PKIB: variants seen among roughly 807,000 people sequenced by gnomAD.
The protein encoded by PKIB is PKI-beta.
PKIB carries 2 observed loss-of-function variants against 4.5 expected under a neutral mutation model. The observed-to-expected ratio is 0.44, with a 90% CI of 0.18 to 1.39. The LOEUF is 1.39. PKIB is among the 40% of genes most tolerant of loss of function. The pLI is 0.27. For synonymous variants in PKIB, 38 were observed against 36.0 expected (o/e 1.06, Z -0.20); for missense variants, 94 against 92.6 (o/e 1.02, Z -0.06).
chr6:122,519,816 T>A (rs910978610), intron 2 of PKIB, among the ~76,000 whole-genome samples: 1 of 152,224 alleles, frequency 6.6e-6, no homozygotes, highest in African/African-American at 2.4e-5. Context: ...CTCAGAGCCA[T>A]TGGATAAAGA....
chr6:122,499,995 G>A (rs1327620208), intron 2 of PKIB, among the ~76,000 whole-genome samples: 2 of 152,078 alleles, frequency 1.3e-5, no homozygotes, highest in African/African-American at 4.8e-5. Context: ...TAACAAAGGA[G>A]GTGAATGATA....
At chr6:122,570,883 A>C (rs1323875970) in intron 2 of PKIB, among the ~76,000 whole-genome samples, 1 of 152,104 alleles carries the variant, frequency 6.6e-6, no homozygotes, top group African/African-American at 2.4e-5. Context: ...CTAACTCCCC[A>C]AAAATTGCTT....
intron 2 of PKIB, among the ~76,000 whole-genome samples, chr6:122,577,753 C>T (rs1235834103): frequency 2.6e-5 from 4 of 151,486 alleles, no homozygotes; most frequent in African/African-American, 9.7e-5. Context: ...ACTAAAAATA[C>T]AAAAAATTAG....
At chr6:122,609,382 T>C (rs748162568), upstream of PKIB, among the ~76,000 whole-genome samples, 2 of 152,218 alleles carry the variant, frequency 1.3e-5, no homozygotes, top group Non-Finnish European at 2.9e-5. Context: ...TATTACTATA[T>C]TGTGGAGGTA....
intron 3 of PKIB, among the ~76,000 whole-genome samples, chr6:122,691,719 G>C (rs1778363764): frequency 6.6e-6 from 1 of 152,014 alleles, no homozygotes; most frequent in African/African-American, 2.4e-5. Flanking sequence ...CATTTGGTGA[G>C]GCCATGTTTT....
intron 2 of PKIB, among the ~76,000 whole-genome samples, chr6:122,673,140 T>A (rs1214377915): frequency 6.7e-6 from 1 of 150,180 alleles, no homozygotes; most frequent in Non-Finnish European, 1.5e-5. Flanking sequence ...ATTTTGGTTG[T>A]GTTGCAATAG....
intron 3 of PKIB, among the ~76,000 whole-genome samples, chr6:122,693,860 A>G (rs1778448418): frequency 6.6e-6 from 1 of 152,234 alleles, no homozygotes; most frequent in Admixed American, 6.5e-5. Flanking sequence ...GTTGATTATC[A>G]GAGTGAAAAG....
intron 4 of PKIB, among the ~76,000 whole-genome samples, chr6:122,719,575 C>T (rs1451521759): frequency 1.3e-5 from 2 of 151,910 alleles, no homozygotes; most frequent in Non-Finnish European, 2.9e-5. Context: ...AAATGATGGT[C>T]AAAAGAGATA....
chr6:122,561,635 C>T (rs1017206019), intron 2 of PKIB, among the ~76,000 whole-genome samples: 6 of 151,622 alleles, frequency 4.0e-5, no homozygotes, highest in African/African-American at 1.5e-4. Flanking sequence ...TAATATTTTC[C>T]TGTTGGGCAA....
chr6:122,523,601 G>A (rs1276317683), intron 2 of PKIB, among the ~76,000 whole-genome samples: 2 of 152,070 alleles, frequency 1.3e-5, no homozygotes, highest in African/African-American at 4.8e-5. Flanking sequence ...TGGTCAACAT[G>A]GTGAAAACCC....
intron 2 of PKIB, among the ~76,000 whole-genome samples, chr6:122,664,719 T>A (rs1174768930): frequency 1.3e-5 from 2 of 150,390 alleles, no homozygotes; most frequent in African/African-American, 5.0e-5. Context: ...TTTTTGTCAA[T>A]TTTTTTTGTT....
At chr6:122,490,119 A>G (rs1459761343) in intron 2 of PKIB, among the ~76,000 whole-genome samples, 1 of 152,064 alleles carries the variant, frequency 6.6e-6, no homozygotes, top group African/African-American at 2.4e-5. Flanking sequence ...AATTTCCAAG[A>G]AAAAGGGAAA....
In PKIB at chr6:122,703,906, CTA is replaced by C. The variant is rs201067199; in HGVS notation, c.-8-13871_-8-13870del. Among the ~76,000 whole-genome samples the C allele has an allele frequency of 8.1e-3, 1,144 of 142,026 alleles. 15 individuals are homozygous for C. Among genetic ancestry groups the C allele is most frequent in the African/African-American group, 0.026 (980 of 38,200 alleles). 93.2% of individuals were successfully genotyped at this position (142,026 alleles called of 152,430 possible). On this transcript the variant is annotated intron_variant, in intron 3 of 4. Transcript: ENST00000368452. ...ATGCTCGCTCTCTATATAAAAAACG[CTA>C]TATATATATGTGTGTATATATATAT...
chr6:122,609,251 C>T (rs1043865543), upstream of PKIB, among the ~76,000 whole-genome samples: 5 of 152,216 alleles, frequency 3.3e-5, no homozygotes, highest in African/African-American at 1.2e-4. Context: ...GGAAGTCAAT[C>T]AATCCTGAAG....
intron 3 of PKIB, among the ~76,000 whole-genome samples, chr6:122,712,553 C>T (rs765722360): frequency 3.3e-5 from 5 of 152,140 alleles, no homozygotes; most frequent in Non-Finnish European, 5.9e-5. Flanking sequence ...GTCAGTCTCT[C>T]CTTCTCTCTT....
chr6:122,548,156 C>T (rs559587684), intron 2 of PKIB, among the ~76,000 whole-genome samples: 1 of 152,242 alleles, frequency 6.6e-6, no homozygotes, highest in African/African-American at 2.4e-5. Flanking sequence ...TTTGACATGA[C>T]TTGAATTGAT....
At chr6:122,563,781 C>T (rs889826427) in intron 2 of PKIB, among the ~76,000 whole-genome samples, 2 of 152,098 alleles carry the variant, frequency 1.3e-5, no homozygotes, top group African/African-American at 4.8e-5. Context: ...AGCTCCCATG[C>T]AAACCGAAGG....
intron 1 of PKIB, among the ~76,000 whole-genome samples, chr6:122,620,519 G>A (rs1435928978): frequency 6.6e-6 from 1 of 152,130 alleles, no homozygotes; most frequent in East Asian, 1.9e-4. Flanking sequence ...TTAGACAATC[G>A]TTTACTGCTA....
chr6:122,487,346 C>A (rs1775797999), intron 2 of PKIB, among the ~76,000 whole-genome samples: 2 of 151,982 alleles, frequency 1.3e-5, no homozygotes, highest in South Asian at 4.2e-4. Flanking sequence ...TGTTTAGATT[C>A]ATCTGATATT....
Sources: gnomAD v4.1 joint callset for allele counts (sites outside exome capture counted in the v4.1 genomes callset) on GRCh38, gnomAD v4.1.1 for gene constraint, MANE v1.5 for transcripts, NCBI Gene and HGNC (gene_info 2026-07-23, HGNC 2026-07-21) for gene names.